The following ANKRD24 variants were observed in gnomAD, a reference collection of about 807,000 sequenced individuals.
ANKRD24 encodes the protein ankyrin repeat domain 24, also known as ankyrin repeat domain-containing protein 24.
A neutral mutation model predicts 127.8 loss-of-function variants in ANKRD24; 109 were observed. The ratio of observed to expected loss-of-function variants is 0.85; its 90% CI spans 0.73 to 1.00. The LOEUF is 1.00. ANKRD24 is among the 50% of genes least tolerant of loss of function. The pLI, the probability that ANKRD24 is intolerant of heterozygous loss-of-function variation, is 0.00. For synonymous variants in ANKRD24, 743 were observed against 671.1 expected (o/e 1.11, Z -1.66); for missense variants, 1,648 against 1,570.2 (o/e 1.05, Z -0.84).
intron 6 of ANKRD24, among the ~76,000 whole-genome samples, chr19:4,202,306 G>A (rs905916781): frequency 1.3e-5 from 2 of 152,000 alleles, no homozygotes; most frequent in African/African-American, 4.8e-5. Flanking sequence ...GGTGGCTCAC[G>A]CCTGTAATCC....
chr19:4,198,336 G>A lies in ANKRD24; in HGVS notation c.37-1347G>A. On this transcript the variant is annotated intron_variant, in intron 2 of 21. Transcript: ENST00000318934. This position sits in a 1 kb window ranked among gnomAD's most constrained non-coding sequence, Gnocchi z 6.1. ...CGAGGAGGGCAAGGGGGAGGGGGCG[G>A]CACCAGGGAGGGCGGGACCGGGCGG... 7.3e-6 allele frequency: 1 copy of A among 137,486 alleles called. No homozygotes were observed. Among genetic ancestry groups the A allele is most frequent in the Non-Finnish European group, 1.5e-5 (1 of 67,096 alleles). The allele number at this position is 137,486 out of a possible 1,614,324, so 8.5% of individuals were successfully genotyped here. A position where few individuals can be genotyped will look rare whatever the true frequency, so the allele number is the denominator to read the frequency against.
chr19:4,217,954 C>T lies in ANKRD24; in HGVS notation c.2794C>T (p.Arg932Trp), dbSNP rs750209808. The change falls in exon 18 of 22, where the codon CGG (arginine) becomes TGG (tryptophan). Residue 932 changes from arginine (R) to tryptophan (W), a missense_variant. By Grantham distance (101) the Arg-to-Trp change is moderately radical. Coordinates refer to ENST00000318934, the MANE Select transcript of ANKRD24 (RefSeq NM_001393985.1). The part of the protein sequence containing the change: ...LQEEALELRG[R>W]AASLEQEVVA... ...GGAGGAGGCCCTGGAGCTGCGGGGC[C>T]GGGCAGCCAGTCTGGAGCAGGAGGT... is the stretch of plus-strand genomic sequence containing the variant. 5 of 1,509,226 alleles carry T rather than the reference C, an allele frequency of 3.3e-6. No homozygotes were observed. Among genetic ancestry groups the T allele is most frequent in the African/African-American group, 2.9e-5 (2 of 69,478 alleles). 93.5% of individuals were successfully genotyped at this position (1,509,226 alleles called of 1,614,324 possible).
At chr19:4,184,287 G>T (rs570527562) in intron 1 of ANKRD24, among the ~76,000 whole-genome samples, 1 of 152,174 alleles carries the variant, frequency 6.6e-6, no homozygotes, top group Admixed American at 6.5e-5. Context: ...CCGGGAGCTC[G>T]GGGCACTGGA....
chr19:4,214,305 C>T (rs562343369), intron 15 of ANKRD24, among the ~76,000 whole-genome samples: 5 of 151,912 alleles, frequency 3.3e-5, no homozygotes, highest in African/African-American at 1.2e-4. Context: ...GTAGCTGGGA[C>T]CACAGGCATG....
chr19:4,199,818 C>T lies in ANKRD24; in HGVS notation c.123+49C>T, dbSNP rs368372485. 4.3e-5 allele frequency: 66 copies of T among 1,533,948 alleles called. No individual in the cohort carries two copies. In the African/African-American group the frequency reaches 5.3e-4, roughly 12 times the overall value. ...GAGAGCCCGGAGCCCCTGTCGGGGG[C>T]GTGGGGAGGGGACAGCAGCCAACAC... is the stretch of plus-strand genomic sequence containing the variant. On this transcript the variant is annotated intron_variant, in intron 3 of 21. Coordinates refer to ENST00000318934, the MANE Select transcript of ANKRD24 (RefSeq NM_001393985.1). The surrounding 1 kb of genome is among the most constrained non-coding windows in gnomAD (Gnocchi z 5.2).
chr19:4,212,961 T>C (rs1274927297), intron 15 of ANKRD24, among the ~76,000 whole-genome samples: 1 of 152,108 alleles, frequency 6.6e-6, no homozygotes, highest in Non-Finnish European at 1.5e-5. Flanking sequence ...TGAAACCCCG[T>C]CTCTACTACA....
At chr19:4,220,027 G>A (rs1337210662) in intron 19 of ANKRD24, among the ~76,000 whole-genome samples, 1 of 152,218 alleles carries the variant, frequency 6.6e-6, no homozygotes, top group East Asian at 1.9e-4. Flanking sequence ...CGCCCAGGCT[G>A]GAGTGCAGTG....
chr19:4,186,374 C>A lies in ANKRD24; in HGVS notation c.-36-16C>A. ...ACTGGTGTCCCTCACCTTACCCCCA[C>A]CCTTGCCCTCCTCAGGTGGCCTGTG... On this transcript the variant is annotated splice_polypyrimidine_tract_variant and intron_variant, in intron 1 of 21. Coordinates refer to ENST00000318934, the MANE Select transcript of ANKRD24 (RefSeq NM_001393985.1). 6.4e-7 allele frequency: 1 copy of A among 1,561,512 alleles called. No homozygotes were observed. The highest frequency in any genetic ancestry group is 2.4e-5 in the East Asian group (1 of 41,412).
chr19:4,222,781 C>T lies in ANKRD24; in HGVS notation c.3283C>T (p.Gln1095Ter), dbSNP rs559498593. 2.5e-6 allele frequency: 4 copies of T among 1,608,904 alleles called. No homozygotes were observed. The highest frequency in any genetic ancestry group is 1.1e-5 in the South Asian group (1 of 90,628). Residue 1095 changes from glutamine (Q) to a stop codon, truncating the protein, a stop_gained, in exon 20 of 22, where the codon CAG becomes TAG. Transcript: ENST00000318934. LOFTEE classifies it high-confidence loss of function. ...TCTCCGTGACCAGGTGAAGGATTTA[C>T]AGCAGCAGCTGCAGGTAAGGACTGG... ...EALRDQVKDL[Q>*]QQLQEAARDH... is the part of the protein sequence containing the mutation.
At position 4,216,945 on chromosome 19, in the gene ANKRD24, G is replaced by C; in HGVS notation, c.1785G>C (p.Lys595Asn). The C allele has an allele frequency of 6.2e-7, 1 of 1,611,622 alleles. No homozygotes were observed. The highest frequency in any genetic ancestry group is 8.5e-7 in the Non-Finnish European group (1 of 1,178,994). ...EATGAEATGA[K>N]VTETKPTGAE... ...CGGGAGCTGAGGCCACAGGAGCCAA[G>C]GTCACAGAAACAAAACCCACAGGGG... The change falls in exon 18 of 22, where the codon AAG becomes AAC. Residue 595 changes from lysine (K) to asparagine (N), a missense_variant. Physicochemically the swap from Lys to Asn is moderately conservative, Grantham distance 94 (BLOSUM62 0). Coordinates refer to ENST00000318934, the MANE Select transcript of ANKRD24 (RefSeq NM_001393985.1).
intron 2 of ANKRD24, among the ~76,000 whole-genome samples, chr19:4,196,861 G>C (rs1968774204): frequency 6.6e-6 from 1 of 152,160 alleles, no homozygotes; most frequent in African/African-American, 2.4e-5. Flanking sequence ...CCAGGCACTG[G>C]GGACGCTACA....
chr19:4,211,260 G>A (rs979830869), intron 13 of ANKRD24, among the ~76,000 whole-genome samples: 7 of 152,162 alleles, frequency 4.6e-5, no homozygotes, highest in South Asian at 4.1e-4. Flanking sequence ...TATGGGCGTC[G>A]TCAATATTGA....
chr19:4,192,390 T>G (rs573687382), intron 2 of ANKRD24, among the ~76,000 whole-genome samples: 3,043 of 151,122 alleles, frequency 0.02, 123 homozygotes, highest in African/African-American at 0.07. Flanking sequence ...ATTTTTTTTT[T>G]TTCAGAGGTG....
chr19:4,217,303 G>C lies in ANKRD24; in HGVS notation c.2143G>C (p.Ala715Pro). 1 of 1,554,084 alleles carries C rather than the reference G, an allele frequency of 6.4e-7. No homozygotes were observed. The highest frequency in any genetic ancestry group is 2.0e-5 in the Admixed American group (1 of 51,072). Residue 715 changes from alanine to proline, a missense_variant, in exon 18 of 22, where the codon GCA becomes CCA. Coordinates refer to ENST00000318934, the MANE Select transcript of ANKRD24 (RefSeq NM_001393985.1). ...SAGPILHPGA[A>P]EASEKLQVEL... ...TGGCCCCATCCTACATCCTGGTGCC[G>C]CAGAGGCCTCGGAAAAGCTTCAAGT...
rs1398060093 is a variant in ANKRD24 at position 4,212,639 on chromosome 19, GAGA to G, written c.1141_1143del (p.Lys381del). The G allele has an allele frequency of 5.0e-5, 77 of 1,551,210 alleles. No individual in the cohort carries two copies. The highest frequency in any genetic ancestry group is 6.1e-5 in the Non-Finnish European group (70 of 1,147,042). ...GCAGTTGCTGGTGGAGAGACAAGAG[GAGA>G]AGGAGAGCCTGGGACGGGAGGTGGA... On this transcript the variant is annotated inframe_deletion, in exon 15 of 22. Transcript: ENST00000318934.
chr19:4,213,414 CCTTTT>C (rs756771767), intron 15 of ANKRD24, among the ~76,000 whole-genome samples: 24 of 130,926 alleles, frequency 1.8e-4, no homozygotes, highest in Non-Finnish European at 3.2e-4. Flanking sequence ...CCTTTCCTTT[CCTTTT>C]CCTTCCTTTC....
intron 18 of ANKRD24, 128 bp downstream of exon 18, chr19:4,218,291 A>T: frequency 3.1e-6 from 2 of 654,618 alleles, no homozygotes; most frequent in Non-Finnish European, 4.3e-6. Flanking sequence ...TATTTTATTT[A>T]TTTATTTATT....
At position 4,199,715 on chromosome 19, in the gene ANKRD24, C is replaced by T; in HGVS notation, c.69C>T (p.Cys23=). The change falls in exon 3 of 22, where the codon TGC becomes TGT. Residue 23 remains cysteine (C), a synonymous_variant. Coordinates refer to ENST00000318934, the MANE Select transcript of ANKRD24 (RefSeq NM_001393985.1). This position sits in a 1 kb window ranked among gnomAD's most constrained non-coding sequence, Gnocchi z 5.2. ...TCAGCCCCACTGACCTTGGCTCCTG[C>T]CCGCCCTGCGGCCCCTGCCCCATCC... ...LRLSPTDLGS[C]PPCGPCPIPK... The T allele has an allele frequency of 6.5e-7, 1 of 1,538,462 alleles. No homozygotes were observed. Among genetic ancestry groups the T allele is most frequent in the African/African-American group, 1.4e-5 (1 of 73,016 alleles).
chr19:4,195,416 G>A lies in ANKRD24; in HGVS notation c.37-4267G>A, dbSNP rs1271503685. On this transcript the variant is annotated intron_variant, in intron 2 of 21. Transcript: ENST00000318934. The surrounding 1 kb of genome is among the most constrained non-coding windows in gnomAD (Gnocchi z 4.2). Reference sequence around the variant, plus strand: ...ATGGCATCCAGGAGGACAAGTGTAGGAGACAGTTGGAAACTGAAGCCCTGA... The same window carrying A: ...ATGGCATCCAGGAGGACAAGTGTAGAAGACAGTTGGAAACTGAAGCCCTGA... Among the ~76,000 whole-genome samples the A allele has an allele frequency of 2.0e-5, 3 of 152,070 alleles. No homozygotes were observed. The highest frequency in any genetic ancestry group is 2.9e-5 in the Non-Finnish European group (2 of 67,994).
Sources: allele counts gnomAD v4.1 joint callset (sites outside exome capture counted in the v4.1 genomes callset), GRCh38; gene constraint gnomAD v4.1.1; non-coding constraint Gnocchi (gnomAD v3.1); transcripts MANE v1.5; gene names NCBI Gene and HGNC (gene_info 2026-07-23, HGNC 2026-07-21).